TRPC5: variants seen among roughly 807,000 people sequenced by gnomAD.
TRPC5 encodes the protein transient receptor potential cation channel subfamily C member 5.
TRPC5 carries 9 observed loss-of-function variants against 56.5 expected under a neutral mutation model. The observed-to-expected ratio is 0.16, with a 90% CI of 0.10 to 0.28. The LOEUF is 0.28. TRPC5 is among the 10% of genes least tolerant of loss of function. TRPC5 has a pLI of 1.00. For synonymous variants in TRPC5, 282 were observed against 278.5 expected (o/e 1.01, Z -0.13); for missense variants, 469 against 748.9 (o/e 0.63, Z 4.36).
At chrX:112,031,948 CAA>C (rs1929598574) in intron 1 of TRPC5, among the ~76,000 whole-genome samples, 1 of 108,590 alleles carries the variant, frequency 9.2e-6, no homozygotes, top group Non-Finnish European at 1.9e-5. Flanking sequence ...ATAAACAGAG[CAA>C]AGAGACAACC....
intron 3 of TRPC5, among the ~76,000 whole-genome samples, chrX:111,870,477 GAAATTT>G (rs1264912920): frequency 9.0e-6 from 1 of 111,489 alleles, no homozygotes; most frequent in Non-Finnish European, 1.9e-5. Flanking sequence ...TTATTTATCT[GAAATTT>G]AAATTTAACT....
chrX:111,984,195 G>C (rs181658384), intron 1 of TRPC5, among the ~76,000 whole-genome samples: 1 of 111,310 alleles, frequency 9.0e-6, no homozygotes, highest in African/African-American at 3.3e-5. Flanking sequence ...AAGGGCCTGC[G>C]CTGTGATTCA....
At chrX:111,935,791 T>G (rs1028672973) in intron 2 of TRPC5, among the ~76,000 whole-genome samples, 3 of 111,330 alleles carry the variant, frequency 2.7e-5, no homozygotes, top group African/African-American at 6.5e-5. Context: ...GATATATGGG[T>G]TTATTTCTGG....
At chrX:111,905,883 C>G (rs1242471642) in intron 3 of TRPC5, among the ~76,000 whole-genome samples, 1 of 99,159 alleles carries the variant, frequency 1.0e-5, no homozygotes. Flanking sequence ...CCACTGCACT[C>G]CAGCCTGGGC....
chrX:112,054,183 G>C (rs1313137717), intron 1 of TRPC5, among the ~76,000 whole-genome samples: 1 of 112,083 alleles, frequency 8.9e-6, no homozygotes, highest in Non-Finnish European at 1.9e-5. Context: ...GGATTAGAAA[G>C]TAGGCAAGGT....
At chrX:112,071,023 A>C (rs1183912164) in intron 1 of TRPC5, among the ~76,000 whole-genome samples, 1 of 111,648 alleles carries the variant, frequency 9.0e-6, no homozygotes, top group Non-Finnish European at 1.9e-5. Context: ...TCATTCCTGT[A>C]ATCTCCACTC....
At chrX:111,912,061 G>A (rs1017003086) in intron 3 of TRPC5, among the ~76,000 whole-genome samples, 3 of 112,204 alleles carry the variant, frequency 2.7e-5, no homozygotes, top group Non-Finnish European at 5.6e-5. Context: ...GTAAGCATTT[G>A]TTAAATGCAT....
chrX:111,939,069 G>T (rs1926691993), intron 2 of TRPC5, among the ~76,000 whole-genome samples: 1 of 111,893 alleles, frequency 8.9e-6, no homozygotes, highest in South Asian at 3.7e-4. Context: ...GTTGAAATGT[G>T]TTCCTTGTAC....
chrX:111,850,650 T>C lies in TRPC5; in HGVS notation c.1377+1648A>G, dbSNP rs144322412. 4.5e-5 allele frequency among the ~76,000 whole-genome samples: 5 copies of C among 111,948 alleles called. No individual in the cohort carries two copies. The East Asian group carries it at 1.4e-3, about 31-fold the overall frequency. The stretch of plus-strand genomic sequence containing the variant: ...AAGGACTCCAACTTCTTGGCAAAGG[T>C]CTCCTTTGAATAAAGTGTTTGCCAG... On this transcript the variant is annotated intron_variant, in intron 5 of 10. Coordinates refer to ENST00000262839, the MANE Select transcript of TRPC5 (RefSeq NM_012471.3).
intron 7 of TRPC5, among the ~76,000 whole-genome samples, chrX:111,783,843 G>C (rs1945939325): frequency 9.0e-6 from 1 of 111,304 alleles, no homozygotes; most frequent in African/African-American, 3.3e-5. Flanking sequence ...GAACTCTTCA[G>C]CTAGCCCAAG....
intron 2 of TRPC5, among the ~76,000 whole-genome samples, chrX:111,925,560 CA>C (rs989215294): frequency 3.6e-5 from 4 of 111,793 alleles, no homozygotes; most frequent in African/African-American, 1.3e-4. Flanking sequence ...TGGCAGGTTT[CA>C]AAAACTCTTT....
chrX:111,900,052 A>G (rs1437698280), intron 3 of TRPC5, among the ~76,000 whole-genome samples: 1 of 111,519 alleles, frequency 9.0e-6, no homozygotes, highest in African/African-American at 3.3e-5. Flanking sequence ...AAGTGGAGAT[A>G]CTATACAACT....
At chrX:111,808,588 A>G (rs1921600195) in intron 7 of TRPC5, among the ~76,000 whole-genome samples, 2 of 110,131 alleles carry the variant, frequency 1.8e-5, no homozygotes, top group Non-Finnish European at 3.8e-5. Flanking sequence ...GCTGTCCAAG[A>G]GCCAAGGCCT....
At chrX:111,867,005 GA>G (rs1324180863) in intron 3 of TRPC5, among the ~76,000 whole-genome samples, 1 of 111,988 alleles carries the variant, frequency 8.9e-6, no homozygotes, top group Non-Finnish European at 1.9e-5. Flanking sequence ...TCGCAAGAGA[GA>G]CCAGCCATGA....
At chrX:111,861,504 G>A (rs1461084153) in intron 3 of TRPC5, among the ~76,000 whole-genome samples, 1 of 111,196 alleles carries the variant, frequency 9.0e-6, no homozygotes, top group Non-Finnish European at 1.9e-5. Context: ...ACAATTTTTA[G>A]TGTTTTTATA....
chrX:112,044,601 G>A (rs1251234467), intron 1 of TRPC5, among the ~76,000 whole-genome samples: 1 of 112,111 alleles, frequency 8.9e-6, no homozygotes, highest in Non-Finnish European at 1.9e-5. Context: ...CTAAATAGCA[G>A]GTGAAACATT....
chrX:112,023,950 C>T (rs1202453569), intron 1 of TRPC5, among the ~76,000 whole-genome samples: 1 of 111,373 alleles, frequency 9.0e-6, no homozygotes, highest in Non-Finnish European at 1.9e-5. Flanking sequence ...ACACCCCTCC[C>T]TCATTTATAG....
intron 1 of TRPC5, among the ~76,000 whole-genome samples, chrX:111,966,533 G>T (rs1356965541): frequency 7.2e-5 from 8 of 111,651 alleles, no homozygotes; most frequent in African/African-American, 2.3e-4. Context: ...CCAAAAAAGA[G>T]AATTTTAGAC....
chrX:112,015,634 C>T (rs1355226240), intron 1 of TRPC5, among the ~76,000 whole-genome samples: 2 of 111,525 alleles, frequency 1.8e-5, no homozygotes, highest in Non-Finnish European at 3.8e-5. Flanking sequence ...CCTTAAAAGA[C>T]AATTTAGATG....
Sources: gnomAD v4.1 joint callset for allele counts (sites outside exome capture counted in the v4.1 genomes callset) on GRCh38, gnomAD v4.1.1 for gene constraint, MANE v1.5 for transcripts, NCBI Gene and HGNC (gene_info 2026-07-23, HGNC 2026-07-21) for gene names.